Variants in RBFOX1 observed in about 807,000 individuals in gnomAD.
RBFOX1 encodes the protein RNA binding fox-1 homolog 1, also known as RNA binding protein fox-1 homolog 1.
Under a neutral mutation model 57.7 loss-of-function variants are expected in RBFOX1, and 8 were observed. That is an observed-to-expected ratio of 0.14 (90% CI 0.08 to 0.25). RBFOX1 has a LOEUF of 0.25. Ranked by LOEUF, RBFOX1 falls within the 10% of genes least tolerant of loss-of-function variation. RBFOX1 has a pLI of 1.00. For synonymous variants in RBFOX1, 326 were observed against 222.4 expected, an observed-to-expected ratio of 1.47 and a Z score of -4.15; for missense variants, 611 against 548.5, an observed-to-expected ratio of 1.11 and a Z score of -1.14.
chr16:7,374,297 C>T (rs536206415), intron 4 of RBFOX1, among the ~76,000 whole-genome samples: 2 of 152,242 alleles, frequency 1.3e-5, no homozygotes, highest in East Asian at 3.9e-4. Flanking sequence ...AGGGGAATAG[C>T]GGAATGTCCT....
At chr16:7,344,990 C>G (rs965113660) in intron 4 of RBFOX1, among the ~76,000 whole-genome samples, 1 of 151,208 alleles carries the variant, frequency 6.6e-6, no homozygotes, top group Non-Finnish European at 1.5e-5. Flanking sequence ...CCCATGGAAG[C>G]CTGGCTCCTC....
At chr16:6,620,892 C>A (rs889477148) in intron 2 of RBFOX1, among the ~76,000 whole-genome samples, 25 of 152,150 alleles carry the variant, frequency 1.6e-4, no homozygotes, top group African/African-American at 5.8e-4. Flanking sequence ...GATAGGACTG[C>A]CTTAACAAAT....
chr16:7,411,254 C>G (rs901612596), intron 4 of RBFOX1, among the ~76,000 whole-genome samples: 1 of 151,566 alleles, frequency 6.6e-6, no homozygotes, highest in African/African-American at 2.4e-5. Context: ...ACTTTGAATT[C>G]TAAGAATGGG....
chr16:7,447,426 A>G (rs375880886), intron 4 of RBFOX1, among the ~76,000 whole-genome samples: 1,052 of 103,486 alleles, frequency 0.01, 11 homozygotes, highest in African/African-American at 0.038. Flanking sequence ...GAGTGAGTCT[A>G]TCTCAAAAAA....
At chr16:6,508,202 G>T (rs990413563) in intron 2 of RBFOX1, among the ~76,000 whole-genome samples, 2 of 152,020 alleles carry the variant, frequency 1.3e-5, no homozygotes, top group African/African-American at 2.4e-5. Context: ...AACACATCCT[G>T]GGGCCTTTTG....
chr16:7,275,336 C>A (rs1028729016), intron 4 of RBFOX1, among the ~76,000 whole-genome samples: 1 of 152,154 alleles, frequency 6.6e-6, no homozygotes, highest in South Asian at 2.1e-4. Context: ...TAATAGGTTA[C>A]CCTCTGCTTA....
chr16:7,499,305 G>A (rs1040863658), intron 4 of RBFOX1, among the ~76,000 whole-genome samples: 1 of 152,096 alleles, frequency 6.6e-6, no homozygotes, highest in African/African-American at 2.4e-5. Context: ...GCATATCTGT[G>A]TCCACACTTT....
intron 4 of RBFOX1, among the ~76,000 whole-genome samples, chr16:6,013,076 T>A (rs1380931108): frequency 6.6e-6 from 1 of 152,172 alleles, no homozygotes; most frequent in Non-Finnish European, 1.5e-5. Flanking sequence ...TTGTTGTCAT[T>A]GTCCCCATTT....
At position 5,889,145 on chromosome 16, in the gene RBFOX1, A is replaced by G. The variant is rs376379743; in HGVS notation, c.351+21810A>G. Among the ~76,000 whole-genome samples the G allele has an allele frequency of 1.9e-4, 29 of 152,262 alleles. 1 individual carries two copies. The South Asian group carries it at 5.2e-3, about 27-fold the overall frequency. ...CCATGTGTAGGATGTGCAGGCTTGT[A>G]AATGTGTGCCATGGTGGTTTGCTGC... On this transcript the variant is annotated intron_variant, in intron 4 of 19. Transcript: ENST00000641259.
At chr16:6,458,401 C>G (rs75015391) in intron 2 of RBFOX1, among the ~76,000 whole-genome samples, 2,158 of 152,232 alleles carry the variant, frequency 0.014, 54 homozygotes, top group African/African-American at 0.049. Context: ...ATGAAGATAG[C>G]CGTAGAACCA....
chr16:6,210,084 G>A (rs2097283196), intron 1 of RBFOX1, among the ~76,000 whole-genome samples: 1 of 151,924 alleles, frequency 6.6e-6, no homozygotes, highest in East Asian at 1.9e-4. Flanking sequence ...TTGGGAGGCT[G>A]AGACCGGTGG....
chr16:7,291,016 C>A (rs990843016), intron 4 of RBFOX1, among the ~76,000 whole-genome samples: 2 of 152,174 alleles, frequency 1.3e-5, no homozygotes, highest in African/African-American at 2.4e-5. Flanking sequence ...AGGCACTGGG[C>A]ATTCTGGGAT....
chr16:5,450,167 A>G (rs1212195999), intron 1 of RBFOX1, among the ~76,000 whole-genome samples: 1 of 152,132 alleles, frequency 6.6e-6, no homozygotes, highest in East Asian at 1.9e-4. Flanking sequence ...CACAGGCAGG[A>G]TTTGAGCCCG....
intron 1 of RBFOX1, among the ~76,000 whole-genome samples, chr16:5,300,269 G>T (rs1017650466): frequency 6.6e-6 from 1 of 152,046 alleles, no homozygotes; most frequent in East Asian, 1.9e-4. Context: ...TTTCTTGTAT[G>T]CACATATGCT....
intron 3 of RBFOX1, among the ~76,000 whole-genome samples, chr16:7,016,723 T>C (rs533352858): frequency 6.6e-6 from 1 of 152,344 alleles, no homozygotes; most frequent in Non-Finnish European, 1.5e-5. Flanking sequence ...TTCTTTTTTC[T>C]AAAGTGGAGT....
chr16:7,056,330 A>C (rs2052254359), intron 4 of RBFOX1, among the ~76,000 whole-genome samples: 1 of 152,172 alleles, frequency 6.6e-6, no homozygotes, highest in Admixed American at 6.5e-5. Flanking sequence ...TTGTCAATCT[A>C]GAGTAGACTG....
intron 10 of RBFOX1, among the ~76,000 whole-genome samples, chr16:7,624,798 G>C (rs980331810): frequency 1.1e-4 from 16 of 152,268 alleles, no homozygotes; most frequent in Admixed American, 9.8e-4. Context: ...GTGTGACTCT[G>C]CACCACCACA....
chr16:5,297,341 G>C (rs2063694438), intron 1 of RBFOX1, among the ~76,000 whole-genome samples: 1 of 152,118 alleles, frequency 6.6e-6, no homozygotes, highest in Admixed American at 6.5e-5. Flanking sequence ...TTCCATAATG[G>C]CTGTACTAAT....
intron 1 of RBFOX1, among the ~76,000 whole-genome samples, chr16:5,461,506 C>G (rs765456754): frequency 6.6e-6 from 1 of 152,178 alleles, no homozygotes; most frequent in Non-Finnish European, 1.5e-5. Context: ...CAACCAGGCT[C>G]TGATGAAAGT....
Sources: gnomAD v4.1 joint callset for allele counts (sites outside exome capture counted in the v4.1 genomes callset) on GRCh38, gnomAD v4.1.1 for gene constraint, MANE v1.5 for transcripts, NCBI Gene and HGNC (gene_info 2026-07-23, HGNC 2026-07-21) for gene names.